STAG2: variants seen among roughly 807,000 people sequenced by gnomAD.
STAG2 encodes the protein cohesin subunit SA-2.
In STAG2, 14 loss-of-function variants were observed where a neutral mutation model predicts 108.1. The ratio of observed to expected loss-of-function variants is 0.13; its 90% CI spans 0.09 to 0.20. The LOEUF (loss-of-function observed/expected upper bound fraction) is 0.20, where lower values mean the gene tolerates loss of function less well. Ranked by LOEUF, STAG2 falls within the 10% of genes least tolerant of loss-of-function variation. The pLI, the probability that STAG2 is intolerant of heterozygous loss-of-function variation, is 1.00. For synonymous variants in STAG2, 307 were observed against 302.7 expected, an observed-to-expected ratio of 1.01 and a Z score of -0.15; for missense variants, 440 against 940.9, an observed-to-expected ratio of 0.47 and a Z score of 6.96.
In STAG2 at chrX:124,001,109, G is replaced by C. The variant is rs144272463; in HGVS notation, c.-162-20258G>C. 3.4e-3 allele frequency among the ~76,000 whole-genome samples: 382 copies of C among 110,874 alleles called. 1 individual carries two copies. The highest frequency in any genetic ancestry group is 0.012 in the African/African-American group (353 of 30,525). On this transcript the variant is annotated intron_variant, in intron 1 of 34. Coordinates refer to ENST00000371145, the MANE Select transcript of STAG2 (RefSeq NM_001042750.2). ...AAGAAAAAAAATTTTTTTTTCTTTA[G>C]AGACGGAGTCTTGCTTTGTCACCCA...
intron 32 of STAG2, among the ~76,000 whole-genome samples, chrX:124,092,587 A>AG (rs1188445273): frequency 8.9e-6 from 1 of 112,397 alleles, no homozygotes; most frequent in African/African-American, 3.2e-5. Flanking sequence ...AAATTATCTC[A>AG]GTTAAATGAC....
intron 15 of STAG2, among the ~76,000 whole-genome samples, chrX:124,059,371 G>T (rs1300858331): frequency 8.9e-6 from 1 of 111,961 alleles, no homozygotes; most frequent in Non-Finnish European, 1.9e-5. Context: ...CCAATATTTC[G>T]ACATTAATTA....
At chrX:124,089,694 A>T (rs767713051) in intron 30 of STAG2, among the ~76,000 whole-genome samples, 1 of 111,968 alleles carries the variant, frequency 8.9e-6, no homozygotes, top group East Asian at 2.8e-4. Flanking sequence ...CTTCAGCAGC[A>T]GTTCCCTGTT....
At chrX:124,044,095 G>A (rs1177652654) in intron 7 of STAG2, among the ~76,000 whole-genome samples, 4 of 110,812 alleles carry the variant, frequency 3.6e-5, no homozygotes, top group African/African-American at 1.3e-4. Context: ...TTTGATGATC[G>A]CTAAGTGCTA....
intron 34 of STAG2, among the ~76,000 whole-genome samples, chrX:124,099,675 C>CTT (rs2059464988): frequency 8.9e-6 from 1 of 111,788 alleles, no homozygotes; most frequent in Non-Finnish European, 1.9e-5. Context: ...GTTCATAGAA[C>CTT]TTATAAGAGA....
At chrX:123,988,339 A>G (rs1045727209) in intron 1 of STAG2, among the ~76,000 whole-genome samples, 13 of 109,887 alleles carry the variant, frequency 1.2e-4, no homozygotes, top group Non-Finnish European at 9.5e-5. Context: ...TTATTTTATT[A>G]TTTTCTTCTT....
chrX:124,088,530 C>G (rs976802620), intron 30 of STAG2, among the ~76,000 whole-genome samples: 2 of 110,051 alleles, frequency 1.8e-5, no homozygotes, highest in African/African-American at 6.6e-5. Context: ...TATGTTTAAT[C>G]TATTATTAGA....
At chrX:124,050,848 T>G (rs2058017484) in intron 11 of STAG2, among the ~76,000 whole-genome samples, 1 of 111,773 alleles carries the variant, frequency 8.9e-6, no homozygotes. Context: ...TGACACATGC[T>G]TCTATTGTTT....
chrX:124,072,896 CTTTCTTTCTTTTTTTTTTT>C (rs1282415046), intron 25 of STAG2, among the ~76,000 whole-genome samples: 1 of 88,760 alleles, frequency 1.1e-5, no homozygotes, highest in African/African-American at 4.3e-5. Context: ...TTCTTTCTTT[CTTTCTTTCTTTTTTTTTTT>C]TTTTTTTTTA....
At chrX:124,059,145 C>T (rs147861534) in intron 15 of STAG2, among the ~76,000 whole-genome samples, 1,767 of 111,520 alleles carry the variant, frequency 0.016, 12 homozygotes, top group Middle Eastern at 0.032. Flanking sequence ...GGCAAAACCC[C>T]GTCTCTACTA....
intron 1 of STAG2, among the ~76,000 whole-genome samples, chrX:124,011,765 T>C (rs2056531069): frequency 9.0e-6 from 1 of 110,590 alleles, no homozygotes; most frequent in South Asian, 3.9e-4. Flanking sequence ...GGTCTCTTTC[T>C]CTTCTAAAGC....
chrX:124,058,110 C>T, intron 15 of STAG2, 133 bp downstream of exon 15: 1 of 300,157 alleles, frequency 3.3e-6, no homozygotes, highest in Non-Finnish European at 5.7e-6. Flanking sequence ...CCCACTCCCC[C>T]ACTCCCCCAA....
chrX:124,096,641 T>C (rs1232638673), intron 34 of STAG2, among the ~76,000 whole-genome samples: 1 of 111,719 alleles, frequency 9.0e-6, no homozygotes, highest in Non-Finnish European at 1.9e-5. Context: ...ACAATAGATA[T>C]TTAGTTTTGT....
At chrX:124,014,297 C>G (rs2056624826) in intron 1 of STAG2, among the ~76,000 whole-genome samples, 1 of 111,683 alleles carries the variant, frequency 9.0e-6, no homozygotes, top group Non-Finnish European at 1.9e-5. Context: ...TTCAGTTTGT[C>G]TACTTAGTTA....
chrX:124,039,532 T>C (rs1052571233), intron 6 of STAG2, among the ~76,000 whole-genome samples: 3 of 110,466 alleles, frequency 2.7e-5, no homozygotes, highest in Admixed American at 9.7e-5. Context: ...TTGTCCCACC[T>C]CAGCCTCCAA....
rs1178997072 is a variant in STAG2, at chrX:124,056,248, A to G, written c.1304+13A>G. 8.9e-7 allele frequency: 1 copy of G among 1,129,677 alleles called. No individual in the cohort carries two copies. Among genetic ancestry groups the G allele is most frequent in the Non-Finnish European group, 1.2e-6 (1 of 825,930 alleles). 93.1% of individuals were successfully genotyped at this position (1,129,677 alleles called of 1,213,427 possible). A position where few individuals can be genotyped will look rare whatever the true frequency, so the allele number is the denominator to read the frequency against. On this transcript the variant is annotated intron_variant, in intron 14 of 34. Transcript: ENST00000371145. ...TTCTCTACAAAAAGTAAATCTATAT[A>G]TCTGTTACTCATTTTCTAAGGCATA...
intron 27 of STAG2, among the ~76,000 whole-genome samples, chrX:124,079,952 G>A (rs1307631614): frequency 1.8e-5 from 2 of 109,335 alleles, no homozygotes; most frequent in African/African-American, 6.7e-5. Context: ...TTTTGGAGCA[G>A]GAGAGGTTCA....
intron 1 of STAG2, among the ~76,000 whole-genome samples, chrX:123,987,710 G>A (rs1315021893): frequency 8.9e-6 from 1 of 112,073 alleles, no homozygotes; most frequent in Non-Finnish European, 1.9e-5. Context: ...GAGCCCTAAA[G>A]TAAATCTACT....
At position 124,043,654 on chromosome X, in the gene STAG2, G is replaced by C. The variant is rs762836325; in HGVS notation, c.462+1009G>C. On this transcript the variant is annotated intron_variant, in intron 7 of 34. Coordinates refer to ENST00000371145, the MANE Select transcript of STAG2 (RefSeq NM_001042750.2). ...GTATAAGAACATATCCTGGAATGTT[G>C]TAAAAGGAAGGTTTCAGCAATATTT... Among the ~76,000 whole-genome samples, 115 of 111,763 alleles carry C rather than the reference G, an allele frequency of 1.0e-3. No individual in the cohort carries two copies. The Middle Eastern group carries it at 0.014, about 13-fold the overall frequency.
Sources: allele counts gnomAD v4.1 joint callset (sites outside exome capture counted in the v4.1 genomes callset), GRCh38; gene constraint gnomAD v4.1.1; transcripts MANE v1.5; gene names NCBI Gene and HGNC (gene_info 2026-07-23, HGNC 2026-07-21).